The following ALS2 variants were observed in gnomAD, a reference collection of about 807,000 sequenced individuals.
ALS2 encodes the protein alsin.
Under a neutral mutation model 203.4 loss-of-function variants are expected in ALS2, and 117 were observed. The observed-to-expected ratio is 0.58, with a 90% CI of 0.50 to 0.67. The LOEUF (loss-of-function observed/expected upper bound fraction) is 0.67, where lower values mean the gene tolerates loss of function less well. Ranked by LOEUF, ALS2 falls within the 30% of genes least tolerant of loss-of-function variation. The pLI is 0.00. For synonymous variants in ALS2, 718 were observed against 725.9 expected (o/e 0.99, Z 0.17); for missense variants, 1,715 against 1,989.4 (o/e 0.86, Z 2.62).
At chr2:201,738,298 G>A (rs575469870) in intron 12 of ALS2, among the ~76,000 whole-genome samples, 4 of 152,102 alleles carry the variant, frequency 2.6e-5, no homozygotes, top group African/African-American at 7.2e-5. Flanking sequence ...TTGTATCTGC[G>A]CAAACACTTT....
chr2:201,715,560 C>T (rs1057434112), intron 25 of ALS2, 112 bp downstream of exon 25: 16 of 1,311,562 alleles, frequency 1.2e-5, no homozygotes, highest in African/African-American at 1.4e-5. Context: ...TACTCAGAAG[C>T]GAAGTAAATC....
In ALS2 at chr2:201,764,634, A is replaced by AAAATAAATAAAT. The variant is rs201734315; in HGVS notation, c.175+2583_175+2594dup. Among the ~76,000 whole-genome samples the AAAATAAATAAAT allele has an allele frequency of 6.2e-3, 885 of 142,242 alleles. 3 individuals carry two copies. Among genetic ancestry groups the AAAATAAATAAAT allele is most frequent in the Non-Finnish European group, 8.6e-3 (566 of 65,684 alleles). The allele number at this position is 142,242 out of a possible 152,430, so 93.3% of individuals were successfully genotyped here. A position where few individuals can be genotyped will look rare whatever the true frequency, so the allele number is the denominator to read the frequency against. Reference sequence around the variant, plus strand: ...GGGCAACAGAGCGAGACTCCGTCTCAAAATAAATAAATAAATAAATAAATA... The same window carrying AAAATAAATAAAT: ...GGGCAACAGAGCGAGACTCCGTCTCAAAATAAATAAATAAATAAATAAATAAATAAATAAATA... On this transcript the variant is annotated intron_variant, in intron 3 of 33. Coordinates refer to ENST00000264276, the MANE Select transcript of ALS2 (RefSeq NM_020919.4).
chr2:201,704,310 C>A, intron 32 of ALS2, 92 bp from the exon 33 acceptor site: 1 of 1,477,398 alleles, frequency 6.8e-7, no homozygotes, highest in South Asian at 1.1e-5. Context: ...AAGAACAGCT[C>A]AATAAAAGGG....
chr2:201,743,064 C>G (rs1692387909), intron 10 of ALS2, among the ~76,000 whole-genome samples: 1 of 111,364 alleles, frequency 9.0e-6, no homozygotes, highest in Non-Finnish European at 2.0e-5. Flanking sequence ...GAGCAAGACT[C>G]TGTCTCAAAA....
At chr2:201,767,771 G>A (rs773884179) in intron 2 of ALS2, among the ~76,000 whole-genome samples, 2 of 151,350 alleles carry the variant, frequency 1.3e-5, no homozygotes, top group African/African-American at 2.4e-5. Context: ...AGGAGGCTGA[G>A]GCAGGAGAAG....
At chr2:201,727,911 C>G in intron 15 of ALS2, 136 bp from the exon 16 acceptor site, 1 of 863,042 alleles carries the variant, frequency 1.2e-6, no homozygotes, top group Non-Finnish European at 1.9e-6. Context: ...TAGTTAAGCC[C>G]ATGTAGGTGC....
At chr2:201,765,179 CT>C (rs1694014344) in intron 3 of ALS2, among the ~76,000 whole-genome samples, 1 of 151,984 alleles carries the variant, frequency 6.6e-6, no homozygotes, top group Non-Finnish European at 1.5e-5. Context: ...TAAAATATTT[CT>C]TGTAGAAACA....
chr2:201,771,176 A>G (rs1325624872), intron 1 of ALS2, among the ~76,000 whole-genome samples: 1 of 150,772 alleles, frequency 6.6e-6, no homozygotes, highest in East Asian at 1.9e-4. Flanking sequence ...CCTCCCGAGT[A>G]GCTGGGATTA....
At chr2:201,732,892 C>A (rs540846092) in intron 13 of ALS2, among the ~76,000 whole-genome samples, 1 of 152,314 alleles carries the variant, frequency 6.6e-6, no homozygotes, top group East Asian at 1.9e-4. Context: ...CTGGGTAACA[C>A]CCCTGCCTTA....
intron 9 of ALS2, among the ~76,000 whole-genome samples, chr2:201,744,817 T>C (rs764744783): frequency 2.8e-4 from 42 of 152,210 alleles, no homozygotes; most frequent in Middle Eastern, 3.2e-3. Context: ...ATGATAGGGA[T>C]ACATGTCTCA....
intron 2 of ALS2, among the ~76,000 whole-genome samples, chr2:201,767,671 C>T (rs1299152708): frequency 1.3e-5 from 2 of 150,232 alleles, no homozygotes; most frequent in Non-Finnish European, 3.0e-5. Context: ...ACCAGCCTGG[C>T]TAATACGGTG....
At position 201,733,383 on chromosome 2, in the gene ALS2, C is replaced by T. The variant is rs750941149; in HGVS notation, c.2473G>A (p.Glu825Lys). 7.4e-6 allele frequency: 12 copies of T among 1,613,448 alleles called. No homozygotes were observed. The highest frequency in any genetic ancestry group is 2.7e-5 in the African/African-American group (2 of 74,864). Residue 825 changes from glutamate (E) to lysine (K), a missense_variant, in exon 13 of 34, where the codon GAA becomes AAA. Physicochemically the swap from Glu to Lys is moderately conservative, Grantham distance 56. Transcript: ENST00000264276. The stretch of plus-strand genomic sequence containing the variant: ...AGTATTTCCATCAACTGAGTGTTTT[C>T]GTCATTCACTTCTGACAAATCTTGC... Reference protein sequence around the residue: ...LLQDLSEVNDENTQLMEILNT... With the variant: ...LLQDLSEVNDKNTQLMEILNT...
chr2:201,713,324 G>T (rs1480166391), intron 25 of ALS2, among the ~76,000 whole-genome samples: 2 of 151,722 alleles, frequency 1.3e-5, no homozygotes, highest in Non-Finnish European at 2.9e-5. Context: ...GTTTCACTTT[G>T]TTGGCCAGGC....
At chr2:201,748,269 T>C (rs1043868685) in intron 8 of ALS2, among the ~76,000 whole-genome samples, 2 of 152,164 alleles carry the variant, frequency 1.3e-5, no homozygotes, top group African/African-American at 4.8e-5. Flanking sequence ...GACATTATGT[T>C]CTCAAATTCA....
intron 1 of ALS2, among the ~76,000 whole-genome samples, chr2:201,770,391 G>T (rs1694322193): frequency 6.6e-6 from 1 of 151,934 alleles, no homozygotes; most frequent in African/African-American, 2.4e-5. Context: ...CCAGATTTTT[G>T]AGCACAGTTT....
chr2:201,760,066 T>C, intron 4 of ALS2: 1 of 930,126 alleles, frequency 1.1e-6, no homozygotes, highest in Non-Finnish European at 1.3e-6. Context: ...CTCATGCCTG[T>C]AATCTCAACA....
Position 201,733,282 on chromosome 2 carries a change from A to C in ALS2, c.2574T>G (p.Phe858Leu). ...AKVLLKLATCFEVASPEYQKL... is the reference protein window; with the variant it reads ...AKVLLKLATCLEVASPEYQKL... The stretch of plus-strand genomic sequence containing the variant: ...GGTATACATGGGAGCTTACCACTTC[A>C]AAACAAGTAGCAAGCTTTAGCAAAA... Residue 858 changes from phenylalanine (F) to leucine (L), a missense_variant, in exon 13 of 34, where the codon TTT (phenylalanine) becomes TTG (leucine). Phe to Leu is a conservative substitution (Grantham distance 22). This residue lies in a region of ALS2 where 1,227 missense variants were observed against 1,413.5 expected (regional missense o/e 0.87). Coordinates refer to ENST00000264276, the MANE Select transcript of ALS2 (RefSeq NM_020919.4). 5.0e-6 allele frequency: 8 copies of C among 1,613,818 alleles called. No individual in the cohort carries two copies. The highest frequency in any genetic ancestry group is 6.8e-6 in the Non-Finnish European group (8 of 1,179,842).
chr2:201,777,037 A>T (rs1694690979), intron 1 of ALS2, among the ~76,000 whole-genome samples: 1 of 152,224 alleles, frequency 6.6e-6, no homozygotes, highest in Non-Finnish European at 1.5e-5. Flanking sequence ...AACTCAAGAT[A>T]ACTACGTTGT....
At chr2:201,728,437 T>C (rs2106011068) in intron 15 of ALS2, 75 bp downstream of exon 15, 1 of 1,578,842 alleles carries the variant, frequency 6.3e-7, no homozygotes, top group Non-Finnish European at 8.7e-7. Flanking sequence ...GTTTTGAACA[T>C]AAACTGATAG....
Sources: gnomAD v4.1 joint callset for allele counts (sites outside exome capture counted in the v4.1 genomes callset) on GRCh38, gnomAD v4.1.1 for gene constraint, gnomAD v4.1.1 regional missense constraint, MANE v1.5 for transcripts, NCBI Gene and HGNC (gene_info 2026-07-23, HGNC 2026-07-21) for gene names.